Variants in NAV3 observed in about 807,000 individuals in gnomAD.
NAV3 encodes pore membrane and/or filament interacting like protein 1.
Under a neutral mutation model 244.7 loss-of-function variants are expected in NAV3, and 87 were observed. The ratio of observed to expected loss-of-function variants is 0.36; its 90% CI spans 0.30 to 0.42. The LOEUF is 0.42. Ranked by LOEUF, NAV3 falls within the 20% of genes least tolerant of loss-of-function variation. The probability of loss-of-function intolerance (pLI) is 1.00; values close to 1 mark genes in which losing one functional copy is unlikely to be tolerated. For synonymous variants in NAV3, 1,126 were observed against 1,042.2 expected, an observed-to-expected ratio of 1.08 and a Z score of -1.55; for missense variants, 2,663 against 2,893.3, an observed-to-expected ratio of 0.92 and a Z score of 1.83.
At chr12:78,013,395 A>G (rs1005141525) in intron 8 of NAV3, among the ~76,000 whole-genome samples, 28 of 152,150 alleles carry the variant, frequency 1.8e-4, no homozygotes, top group African/African-American at 6.0e-4. Context: ...TATTGGAATC[A>G]GGGAAAGTGG....
chr12:78,150,662 C>CACAT (rs1957046311), intron 22 of NAV3, among the ~76,000 whole-genome samples: 1 of 145,368 alleles, frequency 6.9e-6, no homozygotes, highest in African/African-American at 2.8e-5. Flanking sequence ...CACACACACA[C>CACAT]ACACACACAT....
intron 8 of NAV3, among the ~76,000 whole-genome samples, chr12:78,017,228 C>T (rs560447018): frequency 1.1e-4 from 16 of 152,232 alleles, no homozygotes; most frequent in Admixed American, 5.9e-4. Flanking sequence ...CAGGTAATAG[C>T]TCTCATGGTA....
At chr12:77,690,519 C>T (rs1430084974) in intron 2 of NAV3, among the ~76,000 whole-genome samples, 1 of 151,118 alleles carries the variant, frequency 6.6e-6, no homozygotes, top group East Asian at 2.0e-4. Flanking sequence ...ATTTTTACTT[C>T]TTCTTACTGT....
Position 78,178,064 on chromosome 12 carries a change from G to C in NAV3, c.5363+379G>C, listed in dbSNP as rs1057462237. Among the ~76,000 whole-genome samples the C allele has an allele frequency of 1.1e-4, 16 of 151,018 alleles. 2 individuals are homozygous for C. Among genetic ancestry groups the C allele is most frequent in the Admixed American group, 9.3e-4 (14 of 15,116 alleles). ...ATGATAAAATTTAATTTAAAAATTA[G>C]GCACAATAAGTGATTAACAGCAATA... On this transcript the variant is annotated intron_variant, in intron 28 of 39. Coordinates refer to ENST00000397909, the MANE Select transcript of NAV3 (RefSeq NM_001024383.2).
Position 77,854,798 on chromosome 12 carries a change from T to C in NAV3, c.243+23094T>C, listed in dbSNP as rs190348668. 2.4e-3 allele frequency among the ~76,000 whole-genome samples: 365 copies of C among 152,306 alleles called. 2 individuals carry two copies. Among genetic ancestry groups the C allele is most frequent in the African/African-American group, 8.3e-3 (344 of 41,572 alleles). Reference sequence around the variant, plus strand: ...TCATATACCGTCTAAATATTTTAAGTGTAAGCATTTATTACTTAGAAATGC... The same window carrying C: ...TCATATACCGTCTAAATATTTTAAGCGTAAGCATTTATTACTTAGAAATGC... On this transcript the variant is annotated intron_variant, in intron 1 of 39. Coordinates refer to ENST00000397909, the MANE Select transcript of NAV3 (RefSeq NM_001024383.2).
At chr12:77,960,569 A>G (rs939047596) in intron 3 of NAV3, among the ~76,000 whole-genome samples, 1 of 149,204 alleles carries the variant, frequency 6.7e-6, no homozygotes, top group African/African-American at 2.4e-5. Flanking sequence ...AATAACACAT[A>G]GCATATATTA....
intron 2 of NAV3, among the ~76,000 whole-genome samples, chr12:77,780,012 T>C (rs984410488): frequency 1.3e-5 from 2 of 152,216 alleles, no homozygotes; most frequent in African/African-American, 4.8e-5. Flanking sequence ...GAATGCAGTG[T>C]TTTAGTTTTT....
chr12:77,833,063 T>C (rs1164120612), intron 1 of NAV3, among the ~76,000 whole-genome samples: 3 of 152,222 alleles, frequency 2.0e-5, no homozygotes, highest in Non-Finnish European at 4.4e-5. Context: ...TTATCCCAGA[T>C]CCAACTTTAT....
intron 9 of NAV3, among the ~76,000 whole-genome samples, chr12:78,029,507 T>C (rs1030265963): frequency 6.6e-6 from 1 of 152,184 alleles, no homozygotes; most frequent in Non-Finnish European, 1.5e-5. Context: ...AAAACTGTTG[T>C]TAATGAAGCA....
At chr12:77,673,042 T>C (rs1874057346) in intron 2 of NAV3, among the ~76,000 whole-genome samples, 1 of 152,190 alleles carries the variant, frequency 6.6e-6, no homozygotes. Flanking sequence ...TAGAAAGTAG[T>C]TATTACTTGT....
intron 12 of NAV3, among the ~76,000 whole-genome samples, chr12:78,060,295 A>T (rs1033432325): frequency 1.3e-5 from 2 of 152,200 alleles, no homozygotes; most frequent in South Asian, 2.1e-4. Flanking sequence ...ATTTTTGTAC[A>T]GTCAACTCCA....
intron 11 of NAV3, among the ~76,000 whole-genome samples, chr12:78,053,095 C>T (rs1882995358): frequency 6.6e-6 from 1 of 151,784 alleles, no homozygotes; most frequent in Admixed American, 6.6e-5. Flanking sequence ...TGCCTGTATT[C>T]CCAGCTACTT....
intron 20 of NAV3, among the ~76,000 whole-genome samples, chr12:78,144,346 T>C (rs1395345701): frequency 1.3e-5 from 2 of 152,156 alleles, no homozygotes; most frequent in Admixed American, 1.3e-4. Context: ...AAGTGTTTCA[T>C]ATTTTTTATC....
At chr12:78,154,303 A>ATAATATATAG (rs1555183027) in intron 22 of NAV3, among the ~76,000 whole-genome samples, 2 of 140,500 alleles carry the variant, frequency 1.4e-5, no homozygotes, top group Admixed American at 7.7e-5. Context: ...ATATTACTAT[A>ATAATATATAG]TAATATATAG....
At chr12:77,977,708 A>ACACACACGCG (rs71088353) in intron 5 of NAV3, among the ~76,000 whole-genome samples, 8 of 73,282 alleles carry the variant, frequency 1.1e-4, no homozygotes, top group Admixed American at 5.2e-4. Context: ...ACACACACAC[A>ACACACACGCG]CGCGCACACA....
At chr12:77,826,615 GA>G (rs879843904), upstream of NAV3, among the ~76,000 whole-genome samples, 1 of 152,124 alleles carries the variant, frequency 6.6e-6, no homozygotes, top group Non-Finnish European at 1.5e-5. Flanking sequence ...CCATAGAAAA[GA>G]AAGAACTAAT....
intron 2 of NAV3, among the ~76,000 whole-genome samples, chr12:77,686,550 C>T (rs1480416323): frequency 2.0e-5 from 3 of 150,762 alleles, no homozygotes; most frequent in Non-Finnish European, 4.4e-5. Context: ...TATCAGACTT[C>T]GATTTGTCAG....
chr12:77,780,209 C>G (rs1261462383), intron 2 of NAV3, among the ~76,000 whole-genome samples: 2 of 152,112 alleles, frequency 1.3e-5, no homozygotes, highest in South Asian at 4.1e-4. Context: ...TTCTGTGGCA[C>G]TCTCCCTGGT....
At chr12:77,656,233 C>A (rs373422942) in intron 2 of NAV3, among the ~76,000 whole-genome samples, 1 of 140,230 alleles carries the variant, frequency 7.1e-6, no homozygotes, top group Non-Finnish European at 1.5e-5. Context: ...CAGAGACACA[C>A]ATAGGCTCAA....
Sources: gnomAD v4.1 joint callset for allele counts (sites outside exome capture counted in the v4.1 genomes callset) on GRCh38, gnomAD v4.1.1 for gene constraint, MANE v1.5 for transcripts, NCBI Gene and HGNC (gene_info 2026-07-23, HGNC 2026-07-21) for gene names.